Variants in FAT3 observed in about 807,000 individuals in gnomAD.
FAT3 encodes protocadherin Fat 3.
FAT3 carries 95 observed loss-of-function variants against 310.2 expected under a neutral mutation model. The ratio of observed to expected loss-of-function variants is 0.31; its 90% CI spans 0.26 to 0.36. FAT3 has a LOEUF of 0.36. Ranked by LOEUF, FAT3 falls within the 10% of genes least tolerant of loss-of-function variation. The pLI is 1.00. For synonymous variants in FAT3, 2,314 were observed against 2,192.9 expected (o/e 1.06, Z -1.54); for missense variants, 5,408 against 5,715.6 (o/e 0.95, Z 1.74).
At chr11:92,372,599 C>G (rs1949219868) in intron 2 of FAT3, among the ~76,000 whole-genome samples, 1 of 151,996 alleles carries the variant, frequency 6.6e-6, no homozygotes, top group Non-Finnish European at 1.5e-5. Flanking sequence ...GGAACCTGGA[C>G]TGCTTAGAAC....
intron 2 of FAT3, among the ~76,000 whole-genome samples, chr11:92,468,185 T>C (rs900737275): frequency 3.3e-5 from 5 of 152,182 alleles, no homozygotes; most frequent in Non-Finnish European, 5.9e-5. Context: ...TTCAGAGCTT[T>C]TGAGATTTTA....
intron 3 of FAT3, chr11:92,559,391 T>C: frequency 5.1e-6 from 1 of 194,652 alleles, no homozygotes; most frequent in South Asian, 7.0e-5. Flanking sequence ...TCCTTTTTTT[T>C]TTTTTTTTTT....
chr11:92,298,241 TTTAA>T (rs1278885980), intron 1 of FAT3, among the ~76,000 whole-genome samples: 1 of 152,146 alleles, frequency 6.6e-6, no homozygotes, highest in Non-Finnish European at 1.5e-5. Context: ...TCATTTTAAC[TTTAA>T]TTAAATTATG....
Position 92,774,069 on chromosome 11 carries a change from A to C in FAT3, c.4224A>C (p.Ala1408=). The change falls in exon 7 of 28, where the codon GCA becomes GCC. Residue 1408 remains alanine, a synonymous_variant. Coordinates refer to ENST00000525166, the MANE Select transcript of FAT3 (RefSeq NM_001367949.2). ...GGAATTTTGACAGCGCTTTTGATGC[A>C]GAGAAGGGTGTTGGGACAATTGTCA... The part of the protein sequence containing the change: ...VGGNFDSAFD[A]EKGVGTIVIA... The C allele has an allele frequency of 2.5e-6, 4 of 1,613,438 alleles. No homozygotes were observed. The highest frequency in any genetic ancestry group is 3.4e-6 in the Non-Finnish European group (4 of 1,179,646).
intron 3 of FAT3, among the ~76,000 whole-genome samples, chr11:92,639,690 G>T (rs774011006): frequency 1.6e-4 from 25 of 152,146 alleles, no homozygotes; most frequent in African/African-American, 6.0e-4. Flanking sequence ...TATTTGAGGG[G>T]CCTGCTGGTT....
At chr11:92,838,369 CT>C (rs1235801684) in intron 17 of FAT3, among the ~76,000 whole-genome samples, 1 of 152,204 alleles carries the variant, frequency 6.6e-6, no homozygotes, top group Non-Finnish European at 1.5e-5. Flanking sequence ...TTAAATCCAC[CT>C]GCTCTTTAAA....
chr11:92,679,667 C>T (rs1164915218), intron 3 of FAT3, among the ~76,000 whole-genome samples: 2 of 151,322 alleles, frequency 1.3e-5, no homozygotes, highest in Admixed American at 1.3e-4. Flanking sequence ...ATGGTGAAAC[C>T]CCATCTCTAC....
chr11:92,772,382 A>T (rs1946481549), intron 6 of FAT3, among the ~76,000 whole-genome samples: 1 of 151,912 alleles, frequency 6.6e-6, no homozygotes, highest in Non-Finnish European at 1.5e-5. Context: ...TCTTTTGCTC[A>T]TGAAGATGGT....
At chr11:92,439,242 T>TA (rs143630474) in intron 2 of FAT3, among the ~76,000 whole-genome samples, 4,545 of 152,218 alleles carry the variant, frequency 0.03, 246 homozygotes, top group African/African-American at 0.1. Flanking sequence ...AATGCTCTTT[T>TA]AAAAAAACAG....
intron 2 of FAT3, among the ~76,000 whole-genome samples, chr11:92,429,879 T>G (rs1427435132): frequency 1.3e-5 from 2 of 152,188 alleles, no homozygotes; most frequent in Non-Finnish European, 2.9e-5. Flanking sequence ...TCAAGGAGTA[T>G]CTTTGTGGTG....
intron 2 of FAT3, among the ~76,000 whole-genome samples, chr11:92,464,285 T>C (rs1951707703): frequency 6.6e-6 from 1 of 152,122 alleles, no homozygotes; most frequent in Admixed American, 6.5e-5. Flanking sequence ...TCCTTGTGTA[T>C]TCTAATTGTT....
chr11:92,753,244 T>C (rs1945875757), intron 4 of FAT3, among the ~76,000 whole-genome samples: 2 of 152,124 alleles, frequency 1.3e-5, no homozygotes, highest in Admixed American at 1.3e-4. Context: ...AGGTCCCAGC[T>C]AATAGCCATC....
At chr11:92,340,531 T>C (rs1948223548) in intron 1 of FAT3, among the ~76,000 whole-genome samples, 1 of 152,176 alleles carries the variant, frequency 6.6e-6, no homozygotes, top group Non-Finnish European at 1.5e-5. Context: ...CACTCTGGCT[T>C]TCAGTTTCAA....
At chr11:92,385,214 A>C (rs1949589265) in intron 2 of FAT3, among the ~76,000 whole-genome samples, 1 of 152,320 alleles carries the variant, frequency 6.6e-6, no homozygotes, top group Admixed American at 6.5e-5. Flanking sequence ...AGACCTTTTA[A>C]GCATTTAAAT....
Position 92,799,079 on chromosome 11 carries a change from A to C in FAT3, c.6066A>C (p.Pro2022=). The part of the protein sequence containing the change: ...NEPLKYSILN[P]GNKFKIKSTS... The stretch of plus-strand genomic sequence containing the variant: ...CCTTAAAATACAGCATCTTAAACCC[A>C]GGAAATAAGTTCAAGATAAAATCTA... Residue 2022 remains proline (P), a synonymous_variant, in exon 10 of 28, where the codon CCA becomes CCC. Transcript: ENST00000525166. The C allele has an allele frequency of 6.2e-7, 1 of 1,613,970 alleles. No individual in the cohort carries two copies. Among genetic ancestry groups the C allele is most frequent in the Non-Finnish European group, 8.5e-7 (1 of 1,179,876 alleles).
At chr11:92,446,441 A>G (rs576197648) in intron 2 of FAT3, among the ~76,000 whole-genome samples, 1 of 151,808 alleles carries the variant, frequency 6.6e-6, no homozygotes, top group African/African-American at 2.4e-5. Context: ...ATATCCACCA[A>G]CTCCTCAATG....
chr11:92,570,829 T>C (rs1955643039), intron 3 of FAT3, among the ~76,000 whole-genome samples: 1 of 152,164 alleles, frequency 6.6e-6, no homozygotes, highest in Non-Finnish European at 1.5e-5. Flanking sequence ...GCTTAGTAGC[T>C]TGTGGAACTA....
chr11:92,753,128 C>T (rs1253888659), intron 4 of FAT3, among the ~76,000 whole-genome samples: 1 of 152,128 alleles, frequency 6.6e-6, no homozygotes, highest in Non-Finnish European at 1.5e-5. Context: ...GACTCTTGGT[C>T]AGTAGAATGT....
intron 4 of FAT3, among the ~76,000 whole-genome samples, chr11:92,735,563 TA>T (rs1945318537): frequency 7.8e-6 from 1 of 127,760 alleles, no homozygotes; most frequent in African/African-American, 2.9e-5. Flanking sequence ...TGAGCATAGA[TA>T]GATAGATAGA....
Sources: gnomAD v4.1 joint callset for allele counts (sites outside exome capture counted in the v4.1 genomes callset) on GRCh38, gnomAD v4.1.1 for gene constraint, MANE v1.5 for transcripts, NCBI Gene and HGNC (gene_info 2026-07-23, HGNC 2026-07-21) for gene names.